The following RGS7 variants were observed in gnomAD, a reference collection of about 807,000 sequenced individuals.
RGS7 encodes the protein regulator of G-protein signaling 7.
A neutral mutation model predicts 81.1 loss-of-function variants in RGS7; 27 were observed. The observed-to-expected ratio is 0.33, with a 90% CI of 0.25 to 0.46. RGS7 has a LOEUF of 0.46. Ranked by LOEUF, RGS7 falls within the 20% of genes least tolerant of loss-of-function variation. The probability of loss-of-function intolerance (pLI) is 1.00; values close to 1 mark genes in which losing one functional copy is unlikely to be tolerated. For synonymous variants in RGS7, 208 were observed against 207.7 expected, an observed-to-expected ratio of 1.00 and a Z score of -0.01; for missense variants, 396 against 607.4, an observed-to-expected ratio of 0.65 and a Z score of 3.66.
intron 2 of RGS7, among the ~76,000 whole-genome samples, chr1:241,288,877 C>T (rs186781198): frequency 2.0e-5 from 3 of 152,182 alleles, no homozygotes; most frequent in South Asian, 2.1e-4. Flanking sequence ...ATGTTCCCTA[C>T]CTGCTCCAGC....
intron 18 of RGS7, among the ~76,000 whole-genome samples, chr1:240,778,418 T>C (rs1457010540): frequency 2.6e-5 from 4 of 152,230 alleles, no homozygotes; most frequent in Non-Finnish European, 4.4e-5. Context: ...TTTGCTGATA[T>C]GAACAGCAGC....
intron 2 of RGS7, among the ~76,000 whole-genome samples, chr1:241,170,081 T>C (rs1045423254): frequency 6.6e-6 from 1 of 152,126 alleles, no homozygotes; most frequent in African/African-American, 2.4e-5. Context: ...GGGGGATCAC[T>C]ATGGCCATTG....
chr1:241,272,748 T>C (rs2077984508), intron 2 of RGS7, among the ~76,000 whole-genome samples: 1 of 152,172 alleles, frequency 6.6e-6, no homozygotes, highest in Non-Finnish European at 1.5e-5. Context: ...ATTTTTTCAC[T>C]CTTTTCCTCT....
intron 4 of RGS7, among the ~76,000 whole-genome samples, chr1:240,976,725 C>CTCTATCTATCTA (rs3044718): frequency 1.9e-3 from 286 of 148,160 alleles, no homozygotes; most frequent in East Asian, 2.2e-3. Context: ...TCCTCAAAAT[C>CTCTATCTATCTA]TCTATCTATC....
At chr1:240,904,535 CTCTT>C (rs1670521215) in intron 6 of RGS7, among the ~76,000 whole-genome samples, 1 of 152,204 alleles carries the variant, frequency 6.6e-6, no homozygotes, top group Non-Finnish European at 1.5e-5. Context: ...TATTCTCTCT[CTCTT>C]CCTTCCTCTG....
chr1:241,253,405 G>A (rs2076921921), intron 2 of RGS7, among the ~76,000 whole-genome samples: 1 of 152,106 alleles, frequency 6.6e-6, no homozygotes, highest in Non-Finnish European at 1.5e-5. Flanking sequence ...CTTCCTTCTT[G>A]AGGGCTCCCA....
chr1:241,218,125 C>T (rs2074683681), intron 2 of RGS7, among the ~76,000 whole-genome samples: 1 of 152,134 alleles, frequency 6.6e-6, no homozygotes, highest in Non-Finnish European at 1.5e-5. Context: ...CTGACAGATT[C>T]TAAGGAGGAA....
intron 2 of RGS7, among the ~76,000 whole-genome samples, chr1:241,321,533 T>C (rs540945581): frequency 1.3e-5 from 2 of 152,168 alleles, no homozygotes; most frequent in Non-Finnish European, 2.9e-5. Context: ...GATTAAAAGA[T>C]TTTTTTAACT....
At chr1:240,846,968 C>A (rs1281975312) in intron 9 of RGS7, among the ~76,000 whole-genome samples, 1 of 152,150 alleles carries the variant, frequency 6.6e-6, no homozygotes, top group South Asian at 2.1e-4. Context: ...CCTGAGCCTG[C>A]ATCACCAGGA....
chr1:241,325,991 G>A (rs943732982), intron 2 of RGS7, among the ~76,000 whole-genome samples: 1 of 151,996 alleles, frequency 6.6e-6, no homozygotes, highest in South Asian at 2.1e-4. Context: ...CTAAAATACA[G>A]AGTGATCGGA....
At chr1:241,311,766 T>C (rs967598090) in intron 2 of RGS7, among the ~76,000 whole-genome samples, 1 of 152,230 alleles carries the variant, frequency 6.6e-6, no homozygotes, top group African/African-American at 2.4e-5. Context: ...TGGAACAAAT[T>C]TGTGTTTTCA....
intron 2 of RGS7, among the ~76,000 whole-genome samples, chr1:241,199,058 T>A (rs1253320170): frequency 6.6e-6 from 1 of 151,938 alleles, no homozygotes; most frequent in Non-Finnish European, 1.5e-5. Flanking sequence ...ATTCACCATA[T>A]GAAGAGAATA....
At chr1:241,342,033 CCTGT>C (rs2082592444) in intron 2 of RGS7, among the ~76,000 whole-genome samples, 1 of 151,864 alleles carries the variant, frequency 6.6e-6, no homozygotes, top group South Asian at 2.1e-4. Flanking sequence ...TACCACCACA[CCTGT>C]CTAATTTTGT....
chr1:241,010,835 G>A (rs900131376), intron 3 of RGS7, among the ~76,000 whole-genome samples: 1 of 152,102 alleles, frequency 6.6e-6, no homozygotes, highest in Non-Finnish European at 1.5e-5. Flanking sequence ...TGGTGGAAGA[G>A]GTGATAAGCT....
intron 3 of RGS7, among the ~76,000 whole-genome samples, chr1:241,089,248 C>T (rs1331485991): frequency 6.7e-6 from 1 of 150,324 alleles, no homozygotes; most frequent in East Asian, 1.9e-4. Flanking sequence ...ATCAAGAGAG[C>T]AAGAGAGGAA....
intron 9 of RGS7, among the ~76,000 whole-genome samples, chr1:240,853,882 C>T (rs563464444): frequency 4.3e-4 from 44 of 103,150 alleles, no homozygotes; most frequent in South Asian, 3.5e-3. Flanking sequence ...GCCTGGGCGA[C>T]AGAGCAAGAC....
At chr1:241,291,725 C>A (rs1246736437) in intron 2 of RGS7, among the ~76,000 whole-genome samples, 1 of 151,808 alleles carries the variant, frequency 6.6e-6, no homozygotes, top group Non-Finnish European at 1.5e-5. Context: ...ACTACAGGTG[C>A]CTGCCACCAC....
At chr1:241,070,693 G>A (rs1320365938) in intron 3 of RGS7, among the ~76,000 whole-genome samples, 1 of 152,182 alleles carries the variant, frequency 6.6e-6, no homozygotes, top group African/African-American at 2.4e-5. Context: ...GTGCAGGGAG[G>A]CTGGGAATGG....
At chr1:241,253,089 CAAG>C (rs1394714998) in intron 2 of RGS7, among the ~76,000 whole-genome samples, 1 of 152,340 alleles carries the variant, frequency 6.6e-6, no homozygotes, top group East Asian at 1.9e-4. Flanking sequence ...TATCAACTAT[CAAG>C]AAGGTTTCTA....
Sources: gnomAD v4.1 joint callset for allele counts (sites outside exome capture counted in the v4.1 genomes callset) on GRCh38, gnomAD v4.1.1 for gene constraint, MANE v1.5 for transcripts, NCBI Gene and HGNC (gene_info 2026-07-23, HGNC 2026-07-21) for gene names.